The following CTNS variants were observed in gnomAD, a reference collection of about 807,000 sequenced individuals.
CTNS encodes cystinosin.
CTNS carries 27 observed loss-of-function variants against 43.7 expected under a neutral mutation model. That is an observed-to-expected ratio of 0.62 (90% CI 0.46 to 0.85). The LOEUF (loss-of-function observed/expected upper bound fraction) is 0.85, where lower values mean the gene tolerates loss of function less well. CTNS is among the 40% of genes least tolerant of loss of function. CTNS has a pLI of 0.00. For synonymous variants in CTNS, 187 were observed against 190.6 expected, an observed-to-expected ratio of 0.98 and a Z score of 0.16; for missense variants, 457 against 475.4, an observed-to-expected ratio of 0.96 and a Z score of 0.36.
intron 2 of CTNS, among the ~76,000 whole-genome samples, chr17:3,638,715 G>A (rs540814863): frequency 4.1e-4 from 62 of 152,306 alleles, no homozygotes; most frequent in Non-Finnish European, 7.6e-4. Context: ...AGAAAAACCA[G>A]ACTCTGTCCT....
intron 2 of CTNS, among the ~76,000 whole-genome samples, chr17:3,638,530 G>A (rs894402796): frequency 6.6e-6 from 1 of 152,116 alleles, no homozygotes; most frequent in South Asian, 2.1e-4. Context: ...GAGCCACTGC[G>A]CTCAGCCTAA....
At chr17:3,639,191 C>T (rs11868327) in intron 2 of CTNS, among the ~76,000 whole-genome samples, 24,253 of 152,088 alleles carry the variant, frequency 0.16, 3,436 homozygotes, top group African/African-American at 0.39. Flanking sequence ...GCACGGAGAC[C>T]AAGCTACAGA....
chr17:3,638,249 T>A (rs1187391061), intron 2 of CTNS, among the ~76,000 whole-genome samples: 3 of 147,004 alleles, frequency 2.0e-5, no homozygotes, highest in African/African-American at 7.5e-5. Context: ...TTTTTTTTTT[T>A]AATTTGAGAC....
intron 3 of CTNS, among the ~76,000 whole-genome samples, chr17:3,642,837 A>T (rs994204657): frequency 6.6e-6 from 1 of 152,198 alleles, no homozygotes; most frequent in African/African-American, 2.4e-5. Context: ...ATTGGCCTTC[A>T]GACTTGTCTG....
In CTNS at chr17:3,656,761, C is replaced by T. The variant is rs201759090; in HGVS notation, c.647C>T (p.Thr216Met). Residue 216 changes from threonine (T) to methionine (M), a missense_variant, in exon 9 of 12, where the codon ACG becomes ATG. Coordinates refer to ENST00000046640, the MANE Select transcript of CTNS (RefSeq NM_004937.3). ...TTCAGCCTGCACGCGGTTGTCCTCA[C>T]GCTGATCATCATCGTGCAGTGCTGC... ...VFFSLHAVVL[T>M]LIIIVQCCLY... 10 of 1,613,422 alleles carry T rather than the reference C, an allele frequency of 6.2e-6. No individual in the cohort carries two copies. The highest frequency in any genetic ancestry group is 4.4e-5 in the South Asian group (4 of 91,084).
intron 4 of CTNS, among the ~76,000 whole-genome samples, chr17:3,648,178 C>T (rs1030832896): frequency 1.3e-5 from 2 of 152,186 alleles, no homozygotes; most frequent in Non-Finnish European, 2.9e-5. Context: ...GCCTCTCCTG[C>T]GAGATCTGGC....
intron 10 of CTNS, among the ~76,000 whole-genome samples, chr17:3,658,611 C>G (rs1310774481): frequency 6.6e-6 from 1 of 152,228 alleles, no homozygotes; most frequent in Non-Finnish European, 1.5e-5. Context: ...GACTCAGGGT[C>G]CAGCACATCT....
At chr17:3,643,393 A>G (rs2150897108) in intron 3 of CTNS, among the ~76,000 whole-genome samples, 1 of 152,140 alleles carries the variant, frequency 6.6e-6, no homozygotes, top group Admixed American at 6.5e-5. Flanking sequence ...AGTAGCTGGT[A>G]TTGGGTAGGT....
intron 2 of CTNS, 67 bp from the exon 3 acceptor site, chr17:3,640,121 T>G: frequency 7.7e-7 from 1 of 1,294,596 alleles, no homozygotes; most frequent in African/African-American, 1.5e-5. Flanking sequence ...AGAGGGCAGA[T>G]TGTCTACAGG....
intron 5 of CTNS, among the ~76,000 whole-genome samples, chr17:3,652,407 C>G (rs1156526383): frequency 6.6e-6 from 1 of 152,184 alleles, no homozygotes; most frequent in Non-Finnish European, 1.5e-5. Flanking sequence ...GCCTGGCCAA[C>G]ATGATGAAAC....
Position 3,656,813 on chromosome 17 carries a change from C to G in CTNS, c.681+18C>G. On this transcript the variant is annotated intron_variant, in intron 9 of 11. Coordinates refer to ENST00000046640, the MANE Select transcript of CTNS (RefSeq NM_004937.3). ...TGTATGAGGTGAGACCAGCCCTGGC[C>G]CCCCACAGGCCACCCCAGCCAACAC... 6.2e-7 allele frequency: 1 copy of G among 1,612,750 alleles called. No homozygotes were observed.
upstream of CTNS, chr17:3,636,623 C>A (rs906377353): frequency 2.1e-5 from 4 of 194,108 alleles, no homozygotes; most frequent in Non-Finnish European, 3.2e-5. Flanking sequence ...CAGCTGCGCT[C>A]TGTCCGTCTA....
Position 3,656,766 on chromosome 17 carries a change from A to C in CTNS, c.652A>C (p.Ile218Leu). The part of the protein sequence containing the change: ...FSLHAVVLTL[I>L]IIVQCCLYER... ...CCTGCACGCGGTTGTCCTCACGCTG[A>C]TCATCATCGTGCAGTGCTGCCTGTA... The change falls in exon 9 of 12, where the codon ATC becomes CTC. Residue 218 changes from isoleucine to leucine, a missense_variant. Coordinates refer to ENST00000046640, the MANE Select transcript of CTNS (RefSeq NM_004937.3). 1 of 1,613,252 alleles carries C rather than the reference A, an allele frequency of 6.2e-7. No individual in the cohort carries two copies. The highest frequency in any genetic ancestry group is 8.5e-7 in the Non-Finnish European group (1 of 1,179,936).
At chr17:3,654,968 C>T in intron 5 of CTNS, 30 bp from the exon 6 acceptor site, 1 of 1,511,838 alleles carries the variant, frequency 6.6e-7, no homozygotes, top group East Asian at 2.3e-5. Flanking sequence ...CTGTACGTGG[C>T]ATCGGATTGA....
Position 3,657,729 on chromosome 17 carries a change from C to G in CTNS, c.682-276C>G, listed in dbSNP as rs2076187212. The G allele has an allele frequency of 7.5e-6, 4 of 534,446 alleles. No homozygotes were observed. The East Asian group carries it at 1.3e-4, about 18-fold the overall frequency. The allele number at this position is 534,446 out of a possible 1,614,324, so 33.1% of individuals were successfully genotyped here. On this transcript the variant is annotated intron_variant, in intron 9 of 11. Coordinates refer to ENST00000046640, the MANE Select transcript of CTNS (RefSeq NM_004937.3). ...CCAAGTAGGAACAAAGCAGACAGAG[C>G]TTGAGAGTCCAAGCAGCCTGAACAG...
rs1044979463 is a variant in CTNS at position 3,661,003 on chromosome 17, A to G, written c.*634A>G. 2 of 532,748 alleles carry G rather than the reference A, an allele frequency of 3.8e-6. No individual in the cohort carries two copies. The highest frequency in any genetic ancestry group is 3.4e-5 in the East Asian group (1 of 29,072). 33.0% of individuals were successfully genotyped at this position (532,748 alleles called of 1,614,324 possible). On this transcript the variant is annotated 3_prime_UTR_variant, in exon 12 of 12. Transcript: ENST00000046640. ...ACCAGATTGGTTCTGAATTGGATTC[A>G]TGCCCAGCGCATTAGCATAGTAACT...
At chr17:3,638,056 G>A (rs79114360) in intron 2 of CTNS, among the ~76,000 whole-genome samples, 2,393 of 152,278 alleles carry the variant, frequency 0.016, 72 homozygotes, top group African/African-American at 0.055. Context: ...CCTGGGAAGG[G>A]ACTGAATGGG....
At chr17:3,658,282 C>A in intron 10 of CTNS, 107 bp downstream of exon 10, 2 of 1,461,490 alleles carry the variant, frequency 1.4e-6, no homozygotes, top group Non-Finnish European at 1.9e-6. Flanking sequence ...GGAAACAGGA[C>A]GGAAAGCCAC....
At chr17:3,654,726 G>A (rs1320200672) in intron 5 of CTNS, among the ~76,000 whole-genome samples, 1 of 151,784 alleles carries the variant, frequency 6.6e-6, no homozygotes, top group Non-Finnish European at 1.5e-5. Flanking sequence ...CAGGCGCGGT[G>A]GCTCACATCT....
Sources: allele counts gnomAD v4.1 joint callset (sites outside exome capture counted in the v4.1 genomes callset), GRCh38; gene constraint gnomAD v4.1.1; transcripts MANE v1.5; gene names NCBI Gene and HGNC (gene_info 2026-07-23, HGNC 2026-07-21).